DLC1: variants seen among roughly 807,000 people sequenced by gnomAD.
The protein encoded by DLC1 is rho GTPase-activating protein 7.
A neutral mutation model predicts 140.3 loss-of-function variants in DLC1; 54 were observed. The observed-to-expected ratio is 0.38, with a 90% CI of 0.31 to 0.48. The LOEUF (loss-of-function observed/expected upper bound fraction) is 0.48, where lower values mean the gene tolerates loss of function less well. DLC1 is among the 20% of genes least tolerant of loss of function. The pLI, the probability that DLC1 is intolerant of heterozygous loss-of-function variation, is 0.96. For synonymous variants in DLC1, 986 were observed against 728.1 expected (o/e 1.35, Z -5.70); for missense variants, 2,536 against 1,907.0 (o/e 1.33, Z -6.14).
intron 4 of DLC1, among the ~76,000 whole-genome samples, chr8:13,314,639 C>T (rs79399553): frequency 6.6e-6 from 1 of 152,166 alleles, no homozygotes; most frequent in Non-Finnish European, 1.5e-5. Context: ...GATATTCTCA[C>T]CATTTCATAA....
chr8:13,417,709 C>T (rs1396138005), intron 2 of DLC1, among the ~76,000 whole-genome samples: 3 of 152,256 alleles, frequency 2.0e-5, no homozygotes, highest in Admixed American at 1.3e-4. Flanking sequence ...GATTTCTAGT[C>T]CTTTGGGTTC....
intron 2 of DLC1, among the ~76,000 whole-genome samples, chr8:13,431,482 CAAAAAAAAAAAA>C (rs56057254): frequency 9.1e-4 from 37 of 40,610 alleles, no homozygotes; most frequent in African/African-American, 2.8e-3. Context: ...GACTCCGTCT[CAAAAAAAAAAAA>C]AAAAAAAAAA....
At chr8:13,165,039 T>TA (rs1825009315) in intron 5 of DLC1, among the ~76,000 whole-genome samples, 1 of 152,192 alleles carries the variant, frequency 6.6e-6, no homozygotes, top group Admixed American at 6.5e-5. Context: ...ATGGATGGCT[T>TA]TATGACTGGT....
chr8:13,220,353 A>G (rs1828481942), intron 5 of DLC1, among the ~76,000 whole-genome samples: 1 of 152,154 alleles, frequency 6.6e-6, no homozygotes, highest in South Asian at 2.1e-4. Flanking sequence ...CGTAAAGGTA[A>G]AGATAGAAAC....
At chr8:13,493,732 AT>A (rs757480518) in intron 2 of DLC1, among the ~76,000 whole-genome samples, 16 of 151,992 alleles carry the variant, frequency 1.1e-4, no homozygotes, top group Non-Finnish European at 2.1e-4. Flanking sequence ...TTCCTTTTAT[AT>A]TGTCCCAGTC....
intron 5 of DLC1, among the ~76,000 whole-genome samples, chr8:13,164,270 C>G (rs1339911531): frequency 6.7e-6 from 1 of 148,778 alleles, no homozygotes; most frequent in Non-Finnish European, 1.5e-5. Context: ...GCACTCAAAC[C>G]TGGGGGACAA....
chr8:13,218,876 A>G (rs1024423334), intron 5 of DLC1, among the ~76,000 whole-genome samples: 1 of 128,974 alleles, frequency 7.8e-6, no homozygotes, highest in Admixed American at 8.5e-5. Context: ...ATATAATTAT[A>G]TAATTATATA....
At chr8:13,140,267 C>T (rs1822882162) in intron 5 of DLC1, among the ~76,000 whole-genome samples, 1 of 152,096 alleles carries the variant, frequency 6.6e-6, no homozygotes, top group Non-Finnish European at 1.5e-5. Context: ...CGATCTTGCT[C>T]TGTTACCCAG....
intron 1 of DLC1, among the ~76,000 whole-genome samples, chr8:13,586,267 CAG>C (rs1805306484): frequency 2.6e-5 from 4 of 151,980 alleles, no homozygotes. Context: ...TTAACCAAGA[CAG>C]AGAGAATGAG....
rs762296054 is a variant in DLC1, at chr8:13,475,802, T to C, written c.1023+23247A>G. Among the ~76,000 whole-genome samples, 61 of 152,290 alleles carry C rather than the reference T, an allele frequency of 4.0e-4. 1 individual carries two copies. The Middle Eastern group carries it at 0.014, about 34-fold the overall frequency. On this transcript the variant is annotated intron_variant, in intron 2 of 17. Coordinates refer to ENST00000276297, the MANE Select transcript of DLC1 (RefSeq NM_182643.3). ...GTGTTGGCTGTGTGGGGTCAAGAAC[T>C]GAACTTGTGATGGGAAGGAGACTAT... is the stretch of plus-strand genomic sequence containing the variant.
At chr8:13,169,031 T>C (rs1825287186) in intron 5 of DLC1, among the ~76,000 whole-genome samples, 1 of 152,218 alleles carries the variant, frequency 6.6e-6, no homozygotes, top group Admixed American at 6.5e-5. Context: ...TTCTGTGAAG[T>C]TTATTATTCA....
intron 2 of DLC1, among the ~76,000 whole-genome samples, chr8:13,432,222 A>G (rs914287101): frequency 6.6e-6 from 1 of 152,188 alleles, no homozygotes; most frequent in East Asian, 1.9e-4. Flanking sequence ...ATGAGACCTA[A>G]CTATAGGCAA....
At chr8:13,277,813 A>G (rs1195523766) in intron 5 of DLC1, among the ~76,000 whole-genome samples, 1 of 152,224 alleles carries the variant, frequency 6.6e-6, no homozygotes, top group Non-Finnish European at 1.5e-5. Context: ...ATAATGTTGT[A>G]AAAACACTTT....
intron 2 of DLC1, among the ~76,000 whole-genome samples, chr8:13,403,560 G>T (rs141980077): frequency 3.3e-5 from 5 of 152,260 alleles, no homozygotes; most frequent in African/African-American, 1.2e-4. Context: ...TGTAACGGAG[G>T]CCTCTGTCAA....
intron 2 of DLC1, among the ~76,000 whole-genome samples, chr8:13,403,878 C>G (rs1837410090): frequency 2.9e-5 from 4 of 138,094 alleles, no homozygotes; most frequent in South Asian, 4.7e-4. Context: ...AGGCTGGTCT[C>G]AAACTCCTGC....
chr8:13,178,740 T>C (rs1435098425), intron 5 of DLC1, among the ~76,000 whole-genome samples: 1 of 151,666 alleles, frequency 6.6e-6, no homozygotes, highest in Non-Finnish European at 1.5e-5. Flanking sequence ...AAAAGACAGA[T>C]AATCCTCTAC....
rs762350131 is a variant in DLC1, at chr8:13,100,371, G to A, written c.1966C>T (p.His656Tyr). 1.1e-5 allele frequency: 18 copies of A among 1,614,060 alleles called. 1 individual carries two copies. The Admixed American group carries it at 3.0e-4, about 27-fold the overall frequency. The change falls in exon 9 of 18, where the codon CAC becomes TAC. Residue 656 changes from histidine (H) to tyrosine (Y), a missense_variant. Transcript: ENST00000276297. ...LSSFSFSMKG[H>Y]EKTAKSKTRS... ...GTCTTGGACTTGGCAGTTTTTTCGT[G>A]GCCTTTCATGCTGAAGCTGAAGCTG...
At chr8:13,228,979 G>A (rs1046668037) in intron 5 of DLC1, among the ~76,000 whole-genome samples, 6 of 152,288 alleles carry the variant, frequency 3.9e-5, no homozygotes, top group South Asian at 2.1e-4. Flanking sequence ...ACCCTCATGC[G>A]TTGTTGGTGA....
At chr8:13,258,033 C>A (rs1330854491) in intron 5 of DLC1, among the ~76,000 whole-genome samples, 1 of 152,198 alleles carries the variant, frequency 6.6e-6, no homozygotes, top group Non-Finnish European at 1.5e-5. Context: ...TAGCAAGGAG[C>A]CACAATTAAG....
Sources: allele counts gnomAD v4.1 joint callset (sites outside exome capture counted in the v4.1 genomes callset), GRCh38; gene constraint gnomAD v4.1.1; transcripts MANE v1.5; gene names NCBI Gene and HGNC (gene_info 2026-07-23, HGNC 2026-07-21).